Variants in EDIL3 observed in about 807,000 individuals in gnomAD.
The protein encoded by EDIL3 is EGF-like repeat and discoidin I-like domain-containing protein 3.
EDIL3 carries 37 observed loss-of-function variants against 67.4 expected under a neutral mutation model. That is an observed-to-expected ratio of 0.55 (90% CI 0.42 to 0.72). The LOEUF is 0.72. Ranked by LOEUF, EDIL3 falls within the 30% of genes least tolerant of loss-of-function variation. The pLI, the probability that EDIL3 is intolerant of heterozygous loss-of-function variation, is 0.00. For synonymous variants in EDIL3, 195 were observed against 196.3 expected (o/e 0.99, Z 0.05); for missense variants, 527 against 586.3 (o/e 0.90, Z 1.04).
chr5:84,077,220 G>A (rs934816490), intron 6 of EDIL3, among the ~76,000 whole-genome samples: 9 of 152,166 alleles, frequency 5.9e-5, no homozygotes, highest in Non-Finnish European at 1.2e-4. Context: ...CAGTACAAAC[G>A]TTAACAGAGT....
At chr5:84,067,240 G>C (rs4529169) in intron 6 of EDIL3, among the ~76,000 whole-genome samples, 56,431 of 151,854 alleles carry the variant, frequency 0.37, 11,705 homozygotes, top group African/African-American at 0.57. Context: ...GGAATTTTCT[G>C]TCTCCATATT....
At chr5:84,381,248 T>A (rs535976095) in intron 1 of EDIL3, among the ~76,000 whole-genome samples, 2 of 152,182 alleles carry the variant, frequency 1.3e-5, no homozygotes, top group African/African-American at 4.8e-5. Flanking sequence ...GAGGAAAAAA[T>A]TGTGTGTTGT....
intron 4 of EDIL3, among the ~76,000 whole-genome samples, chr5:84,171,964 A>G (rs1380975477): frequency 2.0e-5 from 3 of 152,164 alleles, no homozygotes; most frequent in African/African-American, 7.2e-5. Context: ...TGGGGTCCTT[A>G]TTAAATAATC....
chr5:84,020,011 T>C (rs1250134909), intron 9 of EDIL3, among the ~76,000 whole-genome samples: 2 of 147,160 alleles, frequency 1.4e-5, no homozygotes, highest in African/African-American at 5.0e-5. Context: ...ACGTTGCAAT[T>C]AATGGTCCTT....
Position 84,120,172 on chromosome 5 carries a change from A to G in EDIL3, c.470-13342T>C, listed in dbSNP as rs574484921. ...CAGGAATTGCACACCTTTGCACAAG[A>G]GTTGTCAAAAGCACATGATAAAAAA... On this transcript the variant is annotated intron_variant, in intron 5 of 10. Coordinates refer to ENST00000296591, the MANE Select transcript of EDIL3 (RefSeq NM_005711.5). Among the ~76,000 whole-genome samples the G allele has an allele frequency of 2.6e-5, 4 of 152,178 alleles. No homozygotes were observed. The East Asian group carries it at 5.8e-4, about 22-fold the overall frequency.
In EDIL3 at chr5:84,066,440, A is replaced by G. The variant is rs1194999273; in HGVS notation, c.807+11T>C. 1 of 1,581,944 alleles carries G rather than the reference A, an allele frequency of 6.3e-7. No individual in the cohort carries two copies. The highest frequency in any genetic ancestry group is 1.4e-5 in the African/African-American group (1 of 72,972). ...TTTTCTTTTAAATTAAGTAGGTTAA[A>G]TTATTCTTACCATGTCTTCATTGGT... On this transcript the variant is annotated intron_variant, in intron 7 of 10. Transcript: ENST00000296591.
chr5:84,381,892 C>T (rs945977562), intron 1 of EDIL3, among the ~76,000 whole-genome samples: 3 of 152,098 alleles, frequency 2.0e-5, no homozygotes, highest in Non-Finnish European at 4.4e-5. Flanking sequence ...TTATCAAATC[C>T]CAGGCATTAA....
intron 6 of EDIL3, among the ~76,000 whole-genome samples, chr5:84,067,999 C>T (rs577065821): frequency 1.2e-4 from 19 of 152,278 alleles, no homozygotes; most frequent in African/African-American, 4.3e-4. Context: ...CATTTTAAGT[C>T]CCATTCCTCT....
intron 4 of EDIL3, among the ~76,000 whole-genome samples, chr5:84,141,711 A>AT (rs1037413455): frequency 6.7e-6 from 1 of 149,012 alleles, no homozygotes; most frequent in Non-Finnish European, 1.5e-5. Flanking sequence ...TGCCTCTGTT[A>AT]TAACTAATTA....
intron 1 of EDIL3, among the ~76,000 whole-genome samples, chr5:84,344,451 T>C (rs1327871913): frequency 6.6e-6 from 1 of 152,100 alleles, no homozygotes; most frequent in Middle Eastern, 3.4e-3. Context: ...TAAATATAAA[T>C]ATAATAATTT....
intron 1 of EDIL3, among the ~76,000 whole-genome samples, chr5:84,365,144 G>A (rs1443917331): frequency 6.6e-6 from 1 of 152,032 alleles, no homozygotes; most frequent in African/African-American, 2.4e-5. Context: ...CATTTTTGAG[G>A]TATATATGAT....
At position 83,943,258 on chromosome 5, in the gene EDIL3, T is replaced by C; in HGVS notation, c.*161A>G. The C allele has an allele frequency of 1.2e-6, 1 of 834,464 alleles. No individual in the cohort carries two copies. 51.7% of individuals were successfully genotyped at this position (834,464 alleles called of 1,614,324 possible). A position where few individuals can be genotyped will look rare whatever the true frequency, so the allele number is the denominator to read the frequency against. ...AATTAAATCATTGAAAAGGCAGGCTTAGACCCCCTTAAAAACACCGTTAGT... is the reference window on the plus strand; with the variant it reads ...AATTAAATCATTGAAAAGGCAGGCTCAGACCCCCTTAAAAACACCGTTAGT... On this transcript the variant is annotated 3_prime_UTR_variant, in exon 11 of 11. Coordinates refer to ENST00000296591, the MANE Select transcript of EDIL3 (RefSeq NM_005711.5).
At chr5:84,251,338 C>T (rs555862708) in intron 2 of EDIL3, among the ~76,000 whole-genome samples, 139 of 151,670 alleles carry the variant, frequency 9.2e-4, no homozygotes, top group Non-Finnish European at 1.6e-3. Context: ...GTCTCAAACT[C>T]CTGACTTCGT....
intron 3 of EDIL3, among the ~76,000 whole-genome samples, chr5:84,215,128 T>C (rs1744201649): frequency 6.6e-6 from 1 of 152,186 alleles, no homozygotes; most frequent in African/African-American, 2.4e-5. Flanking sequence ...GCATCTACTA[T>C]GTATCAAACA....
intron 4 of EDIL3, among the ~76,000 whole-genome samples, chr5:84,178,594 C>G (rs1384502250): frequency 6.6e-6 from 1 of 152,078 alleles, no homozygotes; most frequent in Non-Finnish European, 1.5e-5. Flanking sequence ...TTATATGAAC[C>G]AAAGACCATC....
intron 10 of EDIL3, among the ~76,000 whole-genome samples, chr5:83,946,252 G>T (rs1438348391): frequency 6.6e-6 from 1 of 151,882 alleles, no homozygotes. Context: ...GTTCAATTTA[G>T]AATTTTTTAG....
chr5:84,248,346 T>TA (rs1744952072), intron 2 of EDIL3, among the ~76,000 whole-genome samples: 1 of 152,218 alleles, frequency 6.6e-6, no homozygotes, highest in Non-Finnish European at 1.5e-5. Context: ...ATCCTGAACT[T>TA]ACTGTGCACC....
intron 9 of EDIL3, among the ~76,000 whole-genome samples, chr5:83,999,611 A>G (rs558345322): frequency 6.6e-6 from 1 of 152,242 alleles, no homozygotes; most frequent in Admixed American, 6.5e-5. Context: ...ACAAAAGAAA[A>G]TAGAATAAAA....
intron 2 of EDIL3, among the ~76,000 whole-genome samples, chr5:84,245,419 CTGA>C (rs751695153): frequency 2.7e-4 from 41 of 152,240 alleles, no homozygotes; most frequent in African/African-American, 2.9e-4. Flanking sequence ...CTCAATTTCT[CTGA>C]TGATAACATT....
Sources: allele counts gnomAD v4.1 joint callset (sites outside exome capture counted in the v4.1 genomes callset), GRCh38; gene constraint gnomAD v4.1.1; transcripts MANE v1.5; gene names NCBI Gene and HGNC (gene_info 2026-07-23, HGNC 2026-07-21).